ARHGEF33: variants seen among roughly 807,000 people sequenced by gnomAD.
ARHGEF33 encodes Rho guanine nucleotide exchange factor 33.
In ARHGEF33, 72 loss-of-function variants were observed where a neutral mutation model predicts 101.9. The observed-to-expected ratio is 0.71, with a 90% CI of 0.58 to 0.86. The LOEUF (loss-of-function observed/expected upper bound fraction) is 0.86, where lower values mean the gene tolerates loss of function less well. ARHGEF33 is among the 40% of genes least tolerant of loss of function. The pLI, the probability that ARHGEF33 is intolerant of heterozygous loss-of-function variation, is 0.00. For synonymous variants in ARHGEF33, 499 were observed against 442.5 expected, an observed-to-expected ratio of 1.13 and a Z score of -1.60; for missense variants, 1,169 against 1,111.3, an observed-to-expected ratio of 1.05 and a Z score of -0.74.
At position 38,938,878 on chromosome 2, in the gene ARHGEF33, A is replaced by T. The variant is rs572277654; in HGVS notation, c.790+1319A>T. The stretch of plus-strand genomic sequence containing the variant: ...TCTTTCTCCCAACATAATGTTTTTT[A>T]AAAAAGATTTATGCATATTTTTGCA... On this transcript the variant is annotated intron_variant, in intron 9 of 17. Transcript: ENST00000409978. 2.2e-4 allele frequency among the ~76,000 whole-genome samples: 33 copies of T among 152,348 alleles called. No homozygotes were observed. The East Asian group carries it at 6.2e-3, about 28-fold the overall frequency.
In ARHGEF33 at chr2:38,960,308, G is replaced by T. The variant is rs1307810204; in HGVS notation, c.2003G>T (p.Arg668Leu). The change falls in exon 16 of 18, where the codon CGG (arginine) becomes CTG (leucine). Residue 668 changes from arginine (R) to leucine (L), a missense_variant. By Grantham distance (102) the Arg-to-Leu change is moderately radical. Transcript: ENST00000409978. ...RPVSFAMEAERPEHPLQPLPK... is the reference protein window; with the variant it reads ...RPVSFAMEAELPEHPLQPLPK... ...GTCAGCTTCGCCATGGAGGCCGAGC[G>T]GCCGGAGCACCCGCTGCAGCCGCTG... The T allele has an allele frequency of 6.5e-7, 1 of 1,544,454 alleles. No individual in the cohort carries two copies. Among genetic ancestry groups the T allele is most frequent in the Admixed American group, 2.0e-5 (1 of 50,922 alleles).
chr2:38,949,885 G>A (rs1327931848), intron 10 of ARHGEF33, among the ~76,000 whole-genome samples: 4 of 152,302 alleles, frequency 2.6e-5, no homozygotes, highest in East Asian at 3.9e-4. Context: ...ACAGAGAGAC[G>A]GGAGGCGCTA....
intron 2 of ARHGEF33, among the ~76,000 whole-genome samples, chr2:38,915,382 C>CTT (rs35975491): frequency 0.081 from 9,120 of 112,326 alleles, 1,197 homozygotes; most frequent in African/African-American, 0.26. Flanking sequence ...TTTTTATTGA[C>CTT]TTTTTTTTTT....
chr2:38,893,622 A>G (rs960222558), intron 1 of ARHGEF33, among the ~76,000 whole-genome samples: 3 of 152,132 alleles, frequency 2.0e-5, no homozygotes, highest in South Asian at 2.1e-4. Flanking sequence ...ACAATCCATT[A>G]TATGTTACAG....
At chr2:38,899,655 T>C (rs1242752428) in intron 2 of ARHGEF33, among the ~76,000 whole-genome samples, 1 of 152,062 alleles carries the variant, frequency 6.6e-6, no homozygotes. Context: ...CAGGCTGACT[T>C]TAGTTAATAT....
At chr2:38,962,554 A>C (rs1187268869) in intron 16 of ARHGEF33, among the ~76,000 whole-genome samples, 4 of 152,194 alleles carry the variant, frequency 2.6e-5, no homozygotes, top group Non-Finnish European at 4.4e-5. Flanking sequence ...CTAACAGTGT[A>C]AGACATGCGT....
In ARHGEF33 at chr2:38,954,467, G is replaced by T; in HGVS notation, c.1221+11G>T. The T allele has an allele frequency of 6.5e-7, 1 of 1,535,482 alleles. No homozygotes were observed. Among genetic ancestry groups the T allele is most frequent in the Non-Finnish European group, 8.8e-7 (1 of 1,132,362 alleles). ...CTGATACATCTGCAGGTAGGCATGG[G>T]TGGGAAAGCCACCAAACTGATTTGC... On this transcript the variant is annotated intron_variant, in intron 13 of 17. Coordinates refer to ENST00000409978, the MANE Select transcript of ARHGEF33 (RefSeq NM_001145451.5).
rs115282581 is a variant in ARHGEF33 at position 38,902,305 on chromosome 2, A to G, written c.-86+6456A>G. On this transcript the variant is annotated intron_variant, in intron 2 of 17. Coordinates refer to ENST00000409978, the MANE Select transcript of ARHGEF33 (RefSeq NM_001145451.5). The stretch of plus-strand genomic sequence containing the variant: ...GCAGTGAGGTTGATATATTTGGGCA[A>G]GGCATCTGACCTGACAGCCATTTTA... 2.2e-3 allele frequency among the ~76,000 whole-genome samples: 331 copies of G among 152,306 alleles called. 1 individual carries two copies. The highest frequency in any genetic ancestry group is 7.3e-3 in the African/African-American group (303 of 41,554).
At chr2:38,958,652 T>C (rs1386088325) in intron 15 of ARHGEF33, among the ~76,000 whole-genome samples, 3 of 152,260 alleles carry the variant, frequency 2.0e-5, no homozygotes, top group Non-Finnish European at 4.4e-5. Context: ...TGAGACCTAA[T>C]TTTCATTTTC....
Position 38,960,518 on chromosome 2 carries a change from T to A in ARHGEF33, c.2213T>A (p.Ile738Asn). 7.7e-7 allele frequency: 1 copy of A among 1,294,342 alleles called. No homozygotes were observed. Among genetic ancestry groups the A allele is most frequent in the Non-Finnish European group, 9.8e-7 (1 of 1,021,526 alleles). The allele number at this position is 1,294,342 out of a possible 1,614,324, so 80.2% of individuals were successfully genotyped here. ...AGCAGCAGCGGCGGCCGCGCGCCCA[T>A]CAAGGCCGAGCGCGCCGCGCAGGCG... is the stretch of plus-strand genomic sequence containing the variant. ...TRSSSGGRAP[I>N]KAERAAQAHG... The change falls in exon 16 of 18, where the codon ATC (isoleucine) becomes AAC (asparagine). Residue 738 changes from isoleucine to asparagine, a missense_variant. Transcript: ENST00000409978.
chr2:38,973,802 C>T lies in ARHGEF33; in HGVS notation c.2572C>T (p.Leu858Phe), dbSNP rs1558449148. 1 of 1,549,298 alleles carries T rather than the reference C, an allele frequency of 6.5e-7. No homozygotes were observed. Among genetic ancestry groups the T allele is most frequent in the Non-Finnish European group, 8.7e-7 (1 of 1,146,224 alleles). ...CAAACAAGATTTCTTCAGAAACCGA[C>T]TTGCTCTTGCAAATGACCTTGACCA... ...PTKQDFFRNR[L>F]ALANDLDQGT... is the part of the protein sequence containing the mutation. The change falls in exon 18 of 18, where the codon CTT becomes TTT. Residue 858 changes from leucine (L) to phenylalanine (F), a missense_variant. By Grantham distance (22) the Leu-to-Phe change is conservative (BLOSUM62 0). Coordinates refer to ENST00000409978, the MANE Select transcript of ARHGEF33 (RefSeq NM_001145451.5).
chr2:38,934,393 C>T (rs1237876025), intron 7 of ARHGEF33, among the ~76,000 whole-genome samples: 1 of 151,842 alleles, frequency 6.6e-6, no homozygotes, highest in African/African-American at 2.4e-5. Flanking sequence ...TCGACTTCTC[C>T]CTCTGCATTC....
intron 4 of ARHGEF33, among the ~76,000 whole-genome samples, chr2:38,924,698 T>A (rs948889235): frequency 6.6e-6 from 1 of 152,208 alleles, no homozygotes; most frequent in Non-Finnish European, 1.5e-5. Context: ...TTTGCAAGAA[T>A]ATACAGCCAT....
At chr2:38,920,832 C>CT (rs577523378) in intron 3 of ARHGEF33, among the ~76,000 whole-genome samples, 414 of 152,216 alleles carry the variant, frequency 2.7e-3, no homozygotes, top group Middle Eastern at 0.01. Flanking sequence ...TTGACAATTC[C>CT]TTTTATCAGC....
At chr2:38,968,438 C>A (rs778154088) in intron 17 of ARHGEF33, among the ~76,000 whole-genome samples, 18 of 152,118 alleles carry the variant, frequency 1.2e-4, no homozygotes, top group Non-Finnish European at 2.1e-4. Flanking sequence ...ATTAATGAAG[C>A]CTTGGGACCC....
intron 2 of ARHGEF33, among the ~76,000 whole-genome samples, chr2:38,896,557 C>G (rs1214709116): frequency 6.6e-6 from 1 of 152,180 alleles, no homozygotes; most frequent in Non-Finnish European, 1.5e-5. Context: ...GGCTTTGTCA[C>G]TTAATAACCA....
At chr2:38,958,933 C>T (rs1348149096) in intron 15 of ARHGEF33, among the ~76,000 whole-genome samples, 1 of 152,158 alleles carries the variant, frequency 6.6e-6, no homozygotes, top group Non-Finnish European at 1.5e-5. Context: ...TTAGTAGAGA[C>T]GGGGTTTTAC....
intron 17 of ARHGEF33, chr2:38,969,719 C>T (rs1668125946): frequency 6.6e-6 from 1 of 152,592 alleles, no homozygotes; most frequent in South Asian, 2.1e-4. Flanking sequence ...ATAAAGGCTA[C>T]ATATCTTAAA....
intron 17 of ARHGEF33, among the ~76,000 whole-genome samples, chr2:38,970,729 G>A (rs955108605): frequency 2.0e-5 from 3 of 152,184 alleles, no homozygotes; most frequent in African/African-American, 2.4e-5. Context: ...GGTATAGTAC[G>A]TAGCACATAG....
Sources: gnomAD v4.1 joint callset for allele counts (sites outside exome capture counted in the v4.1 genomes callset) on GRCh38, gnomAD v4.1.1 for gene constraint, MANE v1.5 for transcripts, NCBI Gene and HGNC (gene_info 2026-07-23, HGNC 2026-07-21) for gene names.